SLC4A4: variants seen among roughly 807,000 people sequenced by gnomAD.
The protein encoded by SLC4A4 is solute carrier family 4 member 4, also known as electrogenic sodium bicarbonate cotransporter 1.
In SLC4A4, 27 loss-of-function variants were observed where a neutral mutation model predicts 111.5. That is an observed-to-expected ratio of 0.24 (90% CI 0.18 to 0.33). The LOEUF is 0.33. Ranked by LOEUF, SLC4A4 falls within the 10% of genes least tolerant of loss-of-function variation. The probability of loss-of-function intolerance (pLI) is 1.00; values close to 1 mark genes in which losing one functional copy is unlikely to be tolerated. For missense variants in SLC4A4, 909 were observed against 1,315.5 expected, an observed-to-expected ratio of 0.69 and a Z score of 4.78; for synonymous variants, 443 against 463.4, an observed-to-expected ratio of 0.96 and a Z score of 0.57.
intron 1 of SLC4A4, among the ~76,000 whole-genome samples, chr4:71,092,390 T>C (rs1031963533): frequency 6.6e-6 from 1 of 152,216 alleles, no homozygotes; most frequent in Admixed American, 6.5e-5. Flanking sequence ...ATTTTAAAAA[T>C]GAATATTGAT....
intron 22 of SLC4A4, among the ~76,000 whole-genome samples, chr4:71,559,765 T>C (rs1209818092): frequency 1.3e-5 from 2 of 151,892 alleles, no homozygotes; most frequent in Admixed American, 1.3e-4. Context: ...CTTTAAACTT[T>C]TAATTATTTT....
intron 1 of SLC4A4, among the ~76,000 whole-genome samples, chr4:71,073,738 C>G (rs1179931279): frequency 6.6e-6 from 1 of 151,874 alleles, no homozygotes; most frequent in African/African-American, 2.4e-5. Context: ...ACAGTACCTG[C>G]ACATAAAAAA....
intron 6 of SLC4A4, among the ~76,000 whole-genome samples, chr4:71,359,110 C>T (rs1349441901): frequency 2.0e-5 from 3 of 152,240 alleles, no homozygotes; most frequent in Middle Eastern, 3.4e-3. Context: ...TGGATCTTGG[C>T]GGCCAGAATC....
chr4:71,457,674 G>A (rs1257901128), intron 12 of SLC4A4, among the ~76,000 whole-genome samples: 1 of 152,082 alleles, frequency 6.6e-6, no homozygotes, highest in African/African-American at 2.4e-5. Flanking sequence ...GGTAAACAAA[G>A]GCTTTTCATC....
intron 3 of SLC4A4, among the ~76,000 whole-genome samples, chr4:71,294,717 T>C (rs2579339): frequency 0.033 from 4,961 of 152,318 alleles, 287 homozygotes; most frequent in African/African-American, 0.11. Context: ...CAACCCTTTA[T>C]CAAACTGATT....
Position 71,567,806 on chromosome 4 carries a change from A to G in SLC4A4, c.*55A>G. On this transcript the variant is annotated 3_prime_UTR_variant, in exon 26 of 26. Transcript: ENST00000264485. ...TCTCTAGTCCTCCTAGAACTCCAGTAAAAGTTGTGCCTCAAATTAGAATAG... is the reference window on the plus strand; with the variant it reads ...TCTCTAGTCCTCCTAGAACTCCAGTGAAAGTTGTGCCTCAAATTAGAATAG... The G allele has an allele frequency of 6.6e-7, 1 of 1,520,928 alleles. No homozygotes were observed. Among genetic ancestry groups the G allele is most frequent in the Non-Finnish European group, 8.8e-7 (1 of 1,135,028 alleles). The allele number at this position is 1,520,928 out of a possible 1,614,324, so 94.2% of individuals were successfully genotyped here. A position where few individuals can be genotyped will look rare whatever the true frequency, so the allele number is the denominator to read the frequency against.
At chr4:71,410,007 G>T (rs1019769676) in intron 7 of SLC4A4, among the ~76,000 whole-genome samples, 1 of 152,220 alleles carries the variant, frequency 6.6e-6, no homozygotes, top group Non-Finnish European at 1.5e-5. Flanking sequence ...GCGCACAGAA[G>T]TCAAGAATTG....
chr4:71,072,905 C>T (rs1741707350), intron 1 of SLC4A4, among the ~76,000 whole-genome samples: 2 of 151,986 alleles, frequency 1.3e-5, no homozygotes, highest in African/African-American at 4.8e-5. Context: ...GAAGCTGGGG[C>T]TAAAGGTGCA....
intron 16 of SLC4A4, among the ~76,000 whole-genome samples, chr4:71,523,228 A>G (rs2149196437): frequency 6.6e-6 from 1 of 152,300 alleles, no homozygotes; most frequent in East Asian, 1.9e-4. Context: ...TTCTTTAGTG[A>G]CAACAAAGCA....
At chr4:71,270,099 G>A in intron 3 of SLC4A4, among the ~76,000 whole-genome samples, 1 of 152,154 alleles carries the variant, frequency 6.6e-6, no homozygotes. Flanking sequence ...ACCTTTGGTT[G>A]TTTTTGAGAT....
At chr4:71,084,564 T>C (rs1010710128) in intron 1 of SLC4A4, among the ~76,000 whole-genome samples, 26 of 151,780 alleles carry the variant, frequency 1.7e-4, no homozygotes, top group Non-Finnish European at 1.9e-4. Context: ...CTGCCCCCAC[T>C]GCACAACAGG....
intron 7 of SLC4A4, among the ~76,000 whole-genome samples, chr4:71,418,610 A>G (rs185305574): frequency 1.3e-5 from 2 of 152,342 alleles, no homozygotes; most frequent in East Asian, 1.9e-4. Context: ...ATATTCTTCT[A>G]AATCACACCT....
chr4:71,234,512 G>C (rs1004414612), intron 1 of SLC4A4, among the ~76,000 whole-genome samples: 2 of 152,170 alleles, frequency 1.3e-5, no homozygotes, highest in Non-Finnish European at 2.9e-5. Context: ...TGCAACCTCT[G>C]CTTCCTGGGT....
At chr4:71,496,234 A>G (rs6858376) in intron 15 of SLC4A4, among the ~76,000 whole-genome samples, 85,079 of 151,952 alleles carry the variant, frequency 0.56, 27,662 homozygotes, top group Non-Finnish European at 0.74. Context: ...TCTTAGGCTT[A>G]GAGGCCATTA....
chr4:71,243,646 G>T (rs759431241), intron 2 of SLC4A4, among the ~76,000 whole-genome samples: 6 of 152,200 alleles, frequency 3.9e-5, no homozygotes, highest in Non-Finnish European at 5.9e-5. Context: ...TGATTGCCAG[G>T]TGGGATGAAA....
At chr4:71,409,877 T>G (rs1322104639) in intron 7 of SLC4A4, among the ~76,000 whole-genome samples, 1 of 152,186 alleles carries the variant, frequency 6.6e-6, no homozygotes, top group Non-Finnish European at 1.5e-5. Context: ...AGGGATTTGG[T>G]GCCCTGTGTC....
At chr4:71,399,139 T>C (rs1720116026) in intron 7 of SLC4A4, among the ~76,000 whole-genome samples, 1 of 152,200 alleles carries the variant, frequency 6.6e-6, no homozygotes, top group Non-Finnish European at 1.5e-5. Context: ...ATACAAATAG[T>C]ATGCCATTTA....
At chr4:71,098,385 A>C (rs983140646) in intron 2 of SLC4A4, among the ~76,000 whole-genome samples, 17 of 152,054 alleles carry the variant, frequency 1.1e-4, no homozygotes, top group Non-Finnish European at 5.9e-5. Context: ...ATCAGTCTAC[A>C]TGTCTGTTTT....
intron 2 of SLC4A4, among the ~76,000 whole-genome samples, chr4:71,154,771 G>A (rs1197515907): frequency 6.6e-6 from 1 of 152,024 alleles, no homozygotes; most frequent in South Asian, 2.1e-4. Flanking sequence ...TAGAAAAAAA[G>A]CAAATCTATG....
Sources: gnomAD v4.1 joint callset for allele counts (sites outside exome capture counted in the v4.1 genomes callset) on GRCh38, gnomAD v4.1.1 for gene constraint, MANE v1.5 for transcripts, NCBI Gene and HGNC (gene_info 2026-07-23, HGNC 2026-07-21) for gene names.